Variants in PDE4C observed in about 807,000 individuals in gnomAD.
The protein encoded by PDE4C is 3',5'-cyclic-AMP phosphodiesterase 4C.
Under a neutral mutation model 63.9 loss-of-function variants are expected in PDE4C, and 50 were observed. The ratio of observed to expected loss-of-function variants is 0.78; its 90% CI spans 0.62 to 0.99. PDE4C has a LOEUF of 0.99. PDE4C is among the 50% of genes least tolerant of loss of function. The probability of loss-of-function intolerance (pLI) is 0.00; values close to 1 mark genes in which losing one functional copy is unlikely to be tolerated. For synonymous variants in PDE4C, 377 were observed against 385.1 expected (o/e 0.98, Z 0.25); for missense variants, 777 against 899.1 (o/e 0.86, Z 1.74).
intron 13 of PDE4C, among the ~76,000 whole-genome samples, chr19:18,212,347 C>A (rs996087021): frequency 6.6e-6 from 1 of 151,828 alleles, no homozygotes; most frequent in Non-Finnish European, 1.5e-5. Flanking sequence ...CCATGCCTGG[C>A]TAATTTTTGT....
At chr19:18,211,364 T>C (rs1967932562) in intron 14 of PDE4C, 88 bp from the exon 15 acceptor site, 1 of 1,145,014 alleles carries the variant, frequency 8.7e-7, no homozygotes, top group African/African-American at 1.6e-5. Flanking sequence ...AGCCAAGTTG[T>C]TCCCTCTGCC....
intron 13 of PDE4C, among the ~76,000 whole-genome samples, chr19:18,212,715 G>C (rs1405884757): frequency 6.6e-6 from 1 of 151,152 alleles, no homozygotes; most frequent in East Asian, 2.0e-4. Context: ...TTGAGATGGA[G>C]TCTTGCTTTG....
chr19:18,220,976 C>G lies in PDE4C; in HGVS notation c.450-53G>C, dbSNP rs1968448310. The G allele has an allele frequency of 6.4e-7, 1 of 1,566,316 alleles. No individual in the cohort carries two copies. Among genetic ancestry groups the G allele is most frequent in the Non-Finnish European group, 8.7e-7 (1 of 1,155,706 alleles). On this transcript the variant is annotated intron_variant, in intron 4 of 14. Coordinates refer to ENST00000262805, the Ensembl canonical transcript of PDE4C. This position sits in a 1 kb window ranked among gnomAD's most constrained non-coding sequence, Gnocchi z 5.1. ...TGCTCCGCCCATCTCGCCCCGCCCC[C>G]AAGTCCACCAGGCCCCGCCCCTCAA...
At chr19:18,228,805 G>A (rs1408254861), upstream of PDE4C, among the ~76,000 whole-genome samples, 1 of 152,178 alleles carries the variant, frequency 6.6e-6, no homozygotes, top group Non-Finnish European at 1.5e-5. Context: ...CGCTGGGTAA[G>A]GGACAAAAGC....
At chr19:18,225,749 A>ACGC (rs1248578494) in intron 1 of PDE4C, 1 of 154,028 alleles carries the variant, frequency 6.5e-6, no homozygotes, top group African/African-American at 2.4e-5. Context: ...GGACTCCCGA[A>ACGC]CGCCCTGCCT....
chr19:18,235,678 AC>A (rs970415774), upstream of PDE4C, among the ~76,000 whole-genome samples: 1 of 151,864 alleles, frequency 6.6e-6, no homozygotes, highest in African/African-American at 2.4e-5. Context: ...GCCAATATTG[AC>A]CAACTCTCTC....
chr19:18,216,730 C>A lies in PDE4C; in HGVS notation c.1389+11G>T. The A allele has an allele frequency of 6.3e-7, 1 of 1,596,508 alleles. No homozygotes were observed. The highest frequency in any genetic ancestry group is 8.6e-7 in the Non-Finnish European group (1 of 1,169,060). ...CTGCCCCTCCCGCCCCGCTTACTGC[C>A]CTGGCCTCACCATGTCAATGACCAT... On this transcript the variant is annotated intron_variant, in intron 12 of 14. Coordinates refer to ENST00000262805, the Ensembl canonical transcript of PDE4C.
At chr19:18,208,503 C>T (rs1383565320), downstream of PDE4C, 1 of 151,482 alleles carries the variant, frequency 6.6e-6, no homozygotes, top group Non-Finnish European at 1.5e-5. Context: ...GCGCGCCCCG[C>T]CGTGTCTCCC....
intron 1 of PDE4C, chr19:18,232,905 CGCCCCTCCCCCGCGCTGCAGGAG>C (rs1211786268): frequency 6.4e-6 from 9 of 1,416,410 alleles, no homozygotes; most frequent in Non-Finnish European, 8.3e-6. Flanking sequence ...AGGCCCCGCG[CGCCCCTCCCCCGCGCTGCAGGAG>C]GCCCCTGCCC....
Position 18,243,156 on chromosome 19 carries a change from G to A in PDE4C, c.-210+5015C>T, listed in dbSNP as rs540329076. Among the ~76,000 whole-genome samples, 4 of 152,240 alleles carry A rather than the reference G, an allele frequency of 2.6e-5. No homozygotes were observed. In the East Asian group the frequency reaches 5.8e-4, roughly 22 times the overall value. ...GAGTTTCGCTCTTGTTGCCCAGGCTGTAGTGTAATGGCACAGTCTCACTGC... is the reference window on the plus strand; with the variant it reads ...GAGTTTCGCTCTTGTTGCCCAGGCTATAGTGTAATGGCACAGTCTCACTGC... On this transcript the variant is annotated intron_variant, in intron 1 of 15. Transcript: ENST00000594617.
At chr19:18,254,669 T>C in the PDE4C span, among the ~76,000 whole-genome samples, 3 of 152,052 alleles carry the variant, frequency 2.0e-5, no homozygotes, top group Admixed American at 2.0e-4. Context: ...GTCTGTGGGG[T>C]AGGACACCGG....
chr19:18,232,698 G>GCACACACACA (rs77152816), intron 1 of PDE4C, among the ~76,000 whole-genome samples: 5 of 150,688 alleles, frequency 3.3e-5, no homozygotes, highest in African/African-American at 1.2e-4. Context: ...GCGCGCGCGC[G>GCACACACACA]CACACACACA....
intron 12 of PDE4C, among the ~76,000 whole-genome samples, chr19:18,215,699 G>A (rs1419584960): frequency 6.6e-6 from 1 of 151,444 alleles, no homozygotes; most frequent in Admixed American, 6.6e-5. Context: ...ATTTTTAGTA[G>A]AGACAGGGTT....
At chr19:18,248,193 G>T (rs149066835) in exon 1 of PDE4C, 1 of 456,150 alleles carries the variant, frequency 2.2e-6, no homozygotes. Context: ...GTCCTGCCTG[G>T]GTCCCATGAC....
chr19:18,248,741 T>C (rs1969181714), upstream of PDE4C, among the ~76,000 whole-genome samples: 1 of 152,060 alleles, frequency 6.6e-6, no homozygotes, highest in Non-Finnish European at 1.5e-5. Flanking sequence ...TCTCTGGTCA[T>C]TGGCTGGGCG....
At chr19:18,233,303 C>T in exon 1 of PDE4C, 1 of 1,448,158 alleles carries the variant, frequency 6.9e-7, no homozygotes, top group Non-Finnish European at 9.4e-7. Flanking sequence ...GAGGCGACAG[C>T]GAGGAGCTGT....
At chr19:18,229,647 T>A (rs922834934), upstream of PDE4C, among the ~76,000 whole-genome samples, 42 of 152,248 alleles carry the variant, frequency 2.8e-4, no homozygotes, top group Middle Eastern at 3.4e-3. Flanking sequence ...GAGATTTTTT[T>A]AAATGGGTGT....
At chr19:18,233,108 G>C (rs377196088) in exon 1 of PDE4C, 6 of 1,567,630 alleles carry the variant, frequency 3.8e-6, no homozygotes, top group Non-Finnish European at 5.2e-6. Context: ...GGTGCTTCGG[G>C]GCTCTGGTCA....
intron 14 of PDE4C, 63 bp from the exon 15 acceptor site, chr19:18,211,339 A>G: frequency 7.2e-7 from 1 of 1,379,696 alleles, no homozygotes; most frequent in South Asian, 1.4e-5. Flanking sequence ...GACTCAATCC[A>G]GCCTCCAGAT....
Sources: gnomAD v4.1 joint callset for allele counts (sites outside exome capture counted in the v4.1 genomes callset) on GRCh38, gnomAD v4.1.1 for gene constraint, Gnocchi (gnomAD v3.1) non-coding constraint, MANE v1.5 for transcripts, NCBI Gene and HGNC (gene_info 2026-07-23, HGNC 2026-07-21) for gene names.